The following PRAG1 variants were observed in gnomAD, a reference collection of about 807,000 sequenced individuals.
The protein encoded by PRAG1 is inactive tyrosine-protein kinase PRAG1.
PRAG1 carries 110 observed loss-of-function variants against 95.6 expected under a neutral mutation model. That is an observed-to-expected ratio of 1.15 (90% CI 0.99 to 1.35). The LOEUF is 1.35. Ranked by LOEUF, PRAG1 falls within the 40% of genes most tolerant of loss-of-function variation. The pLI is 0.00. For synonymous variants in PRAG1, 1,052 were observed against 819.4 expected (o/e 1.28, Z -4.85); for missense variants, 2,554 against 1,864.7 (o/e 1.37, Z -6.81).
chr8:8,318,954 T>A lies in PRAG1; in HGVS notation c.3421A>T (p.Ile1141Phe), dbSNP rs1321848011. 3.1e-6 allele frequency: 5 copies of A among 1,612,748 alleles called. 1 individual carries two copies. In the Admixed American group the frequency reaches 5.0e-5, roughly 16 times the overall value. ...TCCAGGCACAGGTCCCGGTGGATGA[T>A]CCCGTGCTCCTTCAGGTGCTCCAGC... ...NGLEHLKEHG[I>F]IHRDLCLENL... is the part of the protein sequence containing the mutation. The change falls in exon 6 of 6, where the codon ATC becomes TTC. Residue 1141 changes from isoleucine to phenylalanine, a missense_variant. Physicochemically the swap from Ile to Phe is conservative, Grantham distance 21. Transcript: ENST00000615670. This position sits in a 1 kb window ranked among gnomAD's most constrained non-coding sequence, Gnocchi z 4.2.
At chr8:8,365,375 A>C (rs1390339747) in intron 3 of PRAG1, among the ~76,000 whole-genome samples, 1 of 151,888 alleles carries the variant, frequency 6.6e-6, no homozygotes, top group Non-Finnish European at 1.5e-5. Flanking sequence ...TGTAATCCCA[A>C]CACTGTGGGA....
intron 5 of PRAG1, among the ~76,000 whole-genome samples, chr8:8,323,197 C>T (rs191838981): frequency 4.6e-5 from 7 of 152,302 alleles, no homozygotes; most frequent in South Asian, 2.1e-4. Flanking sequence ...TGTCCCCAAA[C>T]GAATCTCATC....
At chr8:8,332,499 G>C (rs1294200526) in intron 4 of PRAG1, among the ~76,000 whole-genome samples, 1 of 151,920 alleles carries the variant, frequency 6.6e-6, no homozygotes, top group African/African-American at 2.4e-5. Context: ...GATATGCCTG[G>C]TTCTATGACA....
At chr8:8,340,643 G>A (rs911076308) in intron 3 of PRAG1, among the ~76,000 whole-genome samples, 5 of 152,248 alleles carry the variant, frequency 3.3e-5, no homozygotes, top group African/African-American at 1.2e-4. Context: ...TGACCTTACG[G>A]TCAAGAATTT....
At position 8,327,728 on chromosome 8, in the gene PRAG1, G is replaced by A; in HGVS notation, c.3054C>T (p.Gly1018=). ...YYCATCSEDP[G]STYAVKICKA... is the part of the protein sequence containing the mutation. Reference sequence around the variant, plus strand: ...TACCTACTTTCACAGCATAGGTGCTGCCGGGGTCCTCAGAGCAGGTGGCAC... The same window carrying A: ...TACCTACTTTCACAGCATAGGTGCTACCGGGGTCCTCAGAGCAGGTGGCAC... The change falls in exon 5 of 6, where the codon GGC becomes GGT. Residue 1018 remains glycine, a synonymous_variant. Coordinates refer to ENST00000615670, the MANE Select transcript of PRAG1 (RefSeq NM_001080826.3). 1.9e-6 allele frequency: 3 copies of A among 1,613,422 alleles called. No individual in the cohort carries two copies. The highest frequency in any genetic ancestry group is 2.5e-6 in the Non-Finnish European group (3 of 1,179,470).
intron 4 of PRAG1, among the ~76,000 whole-genome samples, chr8:8,336,465 T>C (rs1798986907): frequency 6.6e-6 from 1 of 152,204 alleles, no homozygotes; most frequent in Admixed American, 6.5e-5. Flanking sequence ...AAACAACTGC[T>C]TCGACAAATT....
rs1800427646 is a variant in PRAG1 at position 8,376,958 on chromosome 8, T to C, written c.1451A>G (p.Asp484Gly). 6 of 1,613,510 alleles carry C rather than the reference T, an allele frequency of 3.7e-6. No homozygotes were observed. Among genetic ancestry groups the C allele is most frequent in the Non-Finnish European group, 5.1e-6 (6 of 1,179,992 alleles). ...GCTGCTCAGGTAGATCGTCCGATGG[T>C]CCTCTTCCGGGTGGGCCGCCATGAC... Reference protein sequence around the residue: ...ITVMAAHPEEDHRTIYLSSPD... With the variant: ...ITVMAAHPEEGHRTIYLSSPD... The change falls in exon 3 of 6, where the codon GAC becomes GGC. Residue 484 changes from aspartate to glycine, a missense_variant. Coordinates refer to ENST00000615670, the MANE Select transcript of PRAG1 (RefSeq NM_001080826.3).
At chr8:8,330,579 G>C (rs985306376) in intron 4 of PRAG1, among the ~76,000 whole-genome samples, 3 of 152,202 alleles carry the variant, frequency 2.0e-5, no homozygotes, top group African/African-American at 7.2e-5. Flanking sequence ...AATAAATCAA[G>C]CAGTGGTGGT....
chr8:8,335,134 G>T (rs1585230274), intron 4 of PRAG1, among the ~76,000 whole-genome samples: 1 of 152,026 alleles, frequency 6.6e-6, no homozygotes, highest in African/African-American at 2.4e-5. Flanking sequence ...GGATACTTTG[G>T]TAATATTTAT....
intron 5 of PRAG1, among the ~76,000 whole-genome samples, chr8:8,322,348 A>G (rs1036264585): frequency 1.3e-5 from 2 of 151,848 alleles, no homozygotes; most frequent in African/African-American, 4.8e-5. Context: ...ACTCGACTAA[A>G]TTTTTGTATT....
At chr8:8,341,694 A>C (rs755686902) in intron 3 of PRAG1, among the ~76,000 whole-genome samples, 12 of 152,210 alleles carry the variant, frequency 7.9e-5, no homozygotes, top group Non-Finnish European at 1.6e-4. Context: ...ATGTTGTATG[A>C]ACTTATTTTA....
chr8:8,378,381 A>G (rs1025176979), intron 2 of PRAG1, among the ~76,000 whole-genome samples: 1 of 152,176 alleles, frequency 6.6e-6, no homozygotes, highest in African/African-American at 2.4e-5. Context: ...ATAACTCTGA[A>G]AAAGAACACT....
At chr8:8,328,538 T>C (rs371441316) in intron 4 of PRAG1, 77 bp from the exon 5 acceptor site, 1 of 949,864 alleles carries the variant, frequency 1.1e-6, no homozygotes, top group Non-Finnish European at 1.4e-6. Flanking sequence ...TTGTTTCCCT[T>C]TATTTATTTA....
intron 3 of PRAG1, 118 bp from the exon 4 acceptor site, chr8:8,339,753 T>A: frequency 5.0e-6 from 5 of 997,856 alleles, no homozygotes; most frequent in Non-Finnish European, 5.7e-6. Flanking sequence ...GCAAGTTTAT[T>A]AAAAGAAAAA....
chr8:8,380,091 C>T (rs767879443), intron 2 of PRAG1, among the ~76,000 whole-genome samples: 1 of 151,260 alleles, frequency 6.6e-6, no homozygotes, highest in Non-Finnish European at 1.5e-5. Flanking sequence ...CCTATCTCCA[C>T]CAAAAAACAA....
chr8:8,369,272 G>A (rs1043375168), intron 3 of PRAG1, among the ~76,000 whole-genome samples: 3 of 151,990 alleles, frequency 2.0e-5, no homozygotes, highest in Non-Finnish European at 4.4e-5. Context: ...GTATGCTGTG[G>A]AAAAGTCAAG....
At chr8:8,369,260 A>C (rs150516933) in intron 3 of PRAG1, among the ~76,000 whole-genome samples, 1 of 152,058 alleles carries the variant, frequency 6.6e-6, no homozygotes, top group East Asian at 1.9e-4. Context: ...CTCTGTGCTA[A>C]GGTATGCTGT....
chr8:8,364,563 T>C (rs929176013), intron 3 of PRAG1, among the ~76,000 whole-genome samples: 1 of 152,222 alleles, frequency 6.6e-6, no homozygotes, highest in Non-Finnish European at 1.5e-5. Context: ...GTGAATGTTT[T>C]TAAATTTGCT....
chr8:8,326,969 G>T (rs527680085), intron 5 of PRAG1, among the ~76,000 whole-genome samples: 1 of 152,074 alleles, frequency 6.6e-6, no homozygotes, highest in African/African-American at 2.4e-5. Flanking sequence ...TTCCTAGGTC[G>T]AATGCTCCTT....
Sources: allele counts gnomAD v4.1 joint callset (sites outside exome capture counted in the v4.1 genomes callset), GRCh38; gene constraint gnomAD v4.1.1; non-coding constraint Gnocchi (gnomAD v3.1); transcripts MANE v1.5; gene names NCBI Gene and HGNC (gene_info 2026-07-23, HGNC 2026-07-21).